Variants in CACNA1A observed in about 807,000 individuals in gnomAD.
CACNA1A encodes calcium voltage-gated channel subunit alpha1 A.
CACNA1A carries 57 observed loss-of-function variants against 262.4 expected under a neutral mutation model. That is an observed-to-expected ratio of 0.22 (90% CI 0.18 to 0.27). The LOEUF is 0.27. CACNA1A is among the 10% of genes least tolerant of loss of function. The pLI is 1.00. For missense variants in CACNA1A, 2,526 were observed against 3,562.8 expected, an observed-to-expected ratio of 0.71 and a Z score of 7.41; for synonymous variants, 1,431 against 1,419.3, an observed-to-expected ratio of 1.01 and a Z score of -0.18.
In CACNA1A at chr19:13,240,643, G is replaced by A. The variant is rs555381085; in HGVS notation, c.4950+4539C>T. On this transcript the variant is annotated intron_variant, in intron 31 of 46. Coordinates refer to ENST00000360228, the MANE Select transcript of CACNA1A (RefSeq NM_001127222.2). ...TGTGCAGTGTGTGTGCAGTGTCTGCGCAGTGACTGTGTGTGTGGATAGTGA... is the reference window on the plus strand; with the variant it reads ...TGTGCAGTGTGTGTGCAGTGTCTGCACAGTGACTGTGTGTGTGGATAGTGA... Among the ~76,000 whole-genome samples the A allele has an allele frequency of 2.1e-4, 32 of 150,390 alleles. No individual in the cohort carries two copies. In the East Asian group the frequency reaches 4.9e-3, roughly 23 times the overall value.
chr19:13,358,669 G>T (rs1568568268), intron 6 of CACNA1A, among the ~76,000 whole-genome samples: 1 of 152,220 alleles, frequency 6.6e-6, no homozygotes, highest in Non-Finnish European at 1.5e-5. Context: ...TAGCATGCAA[G>T]TGGGGGCAGG....
intron 6 of CACNA1A, among the ~76,000 whole-genome samples, chr19:13,345,801 T>G (rs1279649320): frequency 6.6e-6 from 1 of 152,008 alleles, no homozygotes; most frequent in Non-Finnish European, 1.5e-5. Flanking sequence ...ATGCCAGGCC[T>G]GCTAATTATT....
intron 3 of CACNA1A, among the ~76,000 whole-genome samples, chr19:13,380,920 G>A (rs1046336955): frequency 6.6e-6 from 1 of 151,720 alleles, no homozygotes; most frequent in Non-Finnish European, 1.5e-5. Flanking sequence ...ACTACAGGTG[G>A]GAGCCACCAA....
intron 21 of CACNA1A, 108 bp from the exon 22 acceptor site, chr19:13,283,504 A>C: frequency 1.4e-6 from 2 of 1,404,590 alleles, no homozygotes; most frequent in Non-Finnish European, 9.8e-7. Flanking sequence ...TCCAACCCCC[A>C]AGGCCTCCTA....
intron 5 of CACNA1A, chr19:13,364,085 G>C (rs557130328): frequency 6.6e-6 from 1 of 152,236 alleles, no homozygotes; most frequent in Non-Finnish European, 1.5e-5. Context: ...TGGCTTTTCC[G>C]GGGCTCACCC....
rs1414590140 is a variant in CACNA1A, at chr19:13,340,487, C to T, written c.979-4578G>A. ...TGTCACCCAGGCTGGAGTGCAATGG[C>T]ACTATCTTGGCTCACTGCAACCTCT... On this transcript the variant is annotated intron_variant, in intron 6 of 46. Transcript: ENST00000360228. Among the ~76,000 whole-genome samples the T allele has an allele frequency of 2.0e-5, 3 of 147,410 alleles. No homozygotes were observed. The Admixed American group carries it at 2.1e-4, about 10-fold the overall frequency.
intron 23 of CACNA1A, 56 bp from the exon 24 acceptor site, chr19:13,276,012 G>GGGGAT: frequency 8.7e-7 from 1 of 1,154,672 alleles, no homozygotes; most frequent in Non-Finnish European, 1.3e-6. Context: ...ACCCTGGGGT[G>GGGGAT]CTGCCACCCA....
chr19:13,285,950 CCA>C (rs2057386774), intron 20 of CACNA1A, among the ~76,000 whole-genome samples: 1 of 145,100 alleles, frequency 6.9e-6, no homozygotes, highest in African/African-American at 2.6e-5. Flanking sequence ...CAGCAGTTCA[CCA>C]TTTTTTTTTT....
At chr19:13,263,668 G>A (rs145949017) in intron 24 of CACNA1A, among the ~76,000 whole-genome samples, 6 of 152,084 alleles carry the variant, frequency 3.9e-5, no homozygotes, top group Admixed American at 2.0e-4. Flanking sequence ...CTACAGGTGC[G>A]TGCCACCATG....
At chr19:13,458,096 C>T (rs923546485) in intron 1 of CACNA1A, among the ~76,000 whole-genome samples, 1 of 152,160 alleles carries the variant, frequency 6.6e-6, no homozygotes, top group African/African-American at 2.4e-5. Context: ...GTGACAGTTA[C>T]ACAACATTGT....
chr19:13,242,874 C>T (rs1321474839), intron 31 of CACNA1A, among the ~76,000 whole-genome samples: 1 of 152,204 alleles, frequency 6.6e-6, no homozygotes, highest in Non-Finnish European at 1.5e-5. Flanking sequence ...GATCAAACAG[C>T]TGGTAGGGAG....
chr19:13,211,927 T>TCCAGGTGTGA (rs974828841), intron 43 of CACNA1A, 176 bp downstream of exon 43: 2 of 587,720 alleles, frequency 3.4e-6, no homozygotes, highest in African/African-American at 3.7e-5. Flanking sequence ...CTGCAGGTGC[T>TCCAGGTGTGA]CCAGGTGTGA....
At chr19:13,406,511 A>ATC (rs2060013155) in intron 3 of CACNA1A, among the ~76,000 whole-genome samples, 1 of 108,580 alleles carries the variant, frequency 9.2e-6, no homozygotes, top group South Asian at 3.1e-4. Context: ...ATATATATAT[A>ATC]TGAAGGGAAT....
intron 30 of CACNA1A, among the ~76,000 whole-genome samples, chr19:13,247,108 T>C (rs1025181180): frequency 2.6e-5 from 4 of 152,176 alleles, no homozygotes. Flanking sequence ...CTGGGGTCAG[T>C]GGGACCCAAA....
intron 3 of CACNA1A, among the ~76,000 whole-genome samples, chr19:13,445,796 A>G (rs748646622): frequency 2.0e-5 from 3 of 152,362 alleles, no homozygotes; most frequent in East Asian, 3.9e-4. Flanking sequence ...GTTTGACAAC[A>G]TTATAAAGTT....
intron 3 of CACNA1A, among the ~76,000 whole-genome samples, chr19:13,404,492 G>A (rs563775112): frequency 2.0e-5 from 3 of 152,288 alleles, no homozygotes; most frequent in Non-Finnish European, 2.9e-5. Flanking sequence ...GTTAAGAGGC[G>A]TGCCATCAGG....
intron 17 of CACNA1A, among the ~76,000 whole-genome samples, chr19:13,303,331 C>T (rs1476674290): frequency 6.6e-6 from 1 of 152,154 alleles, no homozygotes; most frequent in East Asian, 1.9e-4. Context: ...TCCCCCTTCC[C>T]ACCCTCTTGG....
intron 1 of CACNA1A, among the ~76,000 whole-genome samples, chr19:13,471,766 G>A (rs576271419): frequency 1.3e-5 from 2 of 152,152 alleles, no homozygotes; most frequent in Admixed American, 6.5e-5. Flanking sequence ...ACCAGGAGTG[G>A]TGGGGGTTGG....
chr19:13,418,686 C>A (rs2060266507), intron 3 of CACNA1A, among the ~76,000 whole-genome samples: 1 of 152,044 alleles, frequency 6.6e-6, no homozygotes. Context: ...TGGAGGGACC[C>A]TGGTGACACC....
Sources: gnomAD v4.1 joint callset for allele counts (sites outside exome capture counted in the v4.1 genomes callset) on GRCh38, gnomAD v4.1.1 for gene constraint, MANE v1.5 for transcripts, NCBI Gene and HGNC (gene_info 2026-07-23, HGNC 2026-07-21) for gene names.